ARHGAP20: variants seen among roughly 807,000 people sequenced by gnomAD.
ARHGAP20 encodes the protein rho GTPase-activating protein 20.
A neutral mutation model predicts 73.7 loss-of-function variants in ARHGAP20; 34 were observed. That is an observed-to-expected ratio of 0.46 (90% CI 0.35 to 0.61). The LOEUF (loss-of-function observed/expected upper bound fraction) is 0.61, where lower values mean the gene tolerates loss of function less well. ARHGAP20 is among the 20% of genes least tolerant of loss of function. The probability of loss-of-function intolerance (pLI) is 0.00; values close to 1 mark genes in which losing one functional copy is unlikely to be tolerated. For missense variants in ARHGAP20, 1,314 were observed against 1,420.9 expected (o/e 0.92, Z 1.21); for synonymous variants, 523 against 518.2 (o/e 1.01, Z -0.13).
rs7117707 is a variant in ARHGAP20, at chr11:110,672,606, G to A, written c.188+17941C>T. The stretch of plus-strand genomic sequence containing the variant: ...ACTACAAGCATGCACCACCACACTT[G>A]GCTAATTTTTTCATATTTTTAGTAG... On this transcript the variant is annotated intron_variant, in intron 2 of 14. Coordinates refer to ENST00000683387, the MANE Select transcript of ARHGAP20 (RefSeq NM_001384657.1). 3.5e-3 allele frequency among the ~76,000 whole-genome samples: 531 copies of A among 152,036 alleles called. 3 individuals carry two copies. The highest frequency in any genetic ancestry group is 0.012 in the African/African-American group (496 of 41,474).
chr11:110,634,078 A>C (rs1258584075), intron 2 of ARHGAP20, among the ~76,000 whole-genome samples: 3 of 152,184 alleles, frequency 2.0e-5, no homozygotes, highest in African/African-American at 7.2e-5. Context: ...AAGAAAAAGT[A>C]GTGGTGGTCA....
Position 110,581,008 on chromosome 11 carries a change from A to G in ARHGAP20, c.1938T>C (p.Asp646=), listed in dbSNP as rs1158435894. ...GAGGCCGTTTCATTTGAACATCTTC[A>G]TCTTTAGAATGGGCCAAGTCAAAGT... The part of the protein sequence containing the change: ...LSDFDLAHSK[D]EDVQMKRPLE... The change falls in exon 15 of 15, where the codon GAT becomes GAC. Residue 646 remains aspartate, a synonymous_variant. Coordinates refer to ENST00000683387, the MANE Select transcript of ARHGAP20 (RefSeq NM_001384657.1). 6.2e-7 allele frequency: 1 copy of G among 1,614,050 alleles called. No individual in the cohort carries two copies. Among genetic ancestry groups the G allele is most frequent in the Non-Finnish European group, 8.5e-7 (1 of 1,180,044 alleles).
intron 2 of ARHGAP20, among the ~76,000 whole-genome samples, chr11:110,656,599 A>G (rs964495137): frequency 6.6e-6 from 1 of 152,138 alleles, no homozygotes; most frequent in Non-Finnish European, 1.5e-5. Context: ...AAGTAACAGA[A>G]GTTCACCTAG....
At chr11:110,631,759 T>C (rs1412808419) in intron 2 of ARHGAP20, among the ~76,000 whole-genome samples, 1 of 152,218 alleles carries the variant, frequency 6.6e-6, no homozygotes, top group Non-Finnish European at 1.5e-5. Flanking sequence ...GACAGTCTCA[T>C]ACTGTGAGGG....
intron 1 of ARHGAP20, chr11:110,711,812 C>G: frequency 1.5e-6 from 2 of 1,340,238 alleles, no homozygotes; most frequent in Non-Finnish European, 1.9e-6. Context: ...CACTACAGCC[C>G]GCGCGCCTAG....
intron 1 of ARHGAP20, 61 bp downstream of exon 1, chr11:110,712,064 GGC>G (rs1047468719): frequency 8.0e-7 from 1 of 1,249,702 alleles, no homozygotes; most frequent in African/African-American, 1.6e-5. Context: ...GGGCGCGGAG[GGC>G]GCGCGCCGGC....
At chr11:110,702,275 A>T (rs1950468122) in intron 1 of ARHGAP20, among the ~76,000 whole-genome samples, 1 of 152,194 alleles carries the variant, frequency 6.6e-6, no homozygotes, top group African/African-American at 2.4e-5. Context: ...ACAGAACCAA[A>T]GACAAAAACC....
At chr11:110,666,074 A>G (rs1387514415) in intron 2 of ARHGAP20, among the ~76,000 whole-genome samples, 2 of 152,122 alleles carry the variant, frequency 1.3e-5, no homozygotes, top group African/African-American at 4.8e-5. Flanking sequence ...CATTCCACAT[A>G]CTACCATTGA....
intron 10 of ARHGAP20, 39 bp from the exon 11 acceptor site, chr11:110,590,848 C>G (rs758461485): frequency 1.3e-6 from 2 of 1,584,646 alleles, no homozygotes; most frequent in Admixed American, 1.7e-5. Context: ...AATGACACTT[C>G]CACACACACA....
rs548595031 is a variant in ARHGAP20 at position 110,670,331 on chromosome 11, T to A, written c.188+20216A>T. Among the ~76,000 whole-genome samples, 554 of 152,002 alleles carry A rather than the reference T, an allele frequency of 3.6e-3. 3 individuals are homozygous for A. The highest frequency in any genetic ancestry group is 0.012 in the African/African-American group (518 of 41,488). On this transcript the variant is annotated intron_variant, in intron 2 of 14. Transcript: ENST00000683387. ...GAGATAAAATTCATATGCCTTTAAC[T>A]AGACAGATCTAGGGGGAAAAAAGAG... is the stretch of plus-strand genomic sequence containing the variant.
chr11:110,614,020 C>T (rs1284169487), intron 6 of ARHGAP20, among the ~76,000 whole-genome samples: 1 of 152,060 alleles, frequency 6.6e-6, no homozygotes, highest in Non-Finnish European at 1.5e-5. Flanking sequence ...ATGATAAACA[C>T]TGTGAAGTAG....
At chr11:110,664,180 G>C (rs1315294107) in intron 2 of ARHGAP20, among the ~76,000 whole-genome samples, 1 of 152,086 alleles carries the variant, frequency 6.6e-6, no homozygotes, top group Non-Finnish European at 1.5e-5. Flanking sequence ...ATTTTGGCCA[G>C]ATAAATCAGG....
In ARHGAP20 at chr11:110,581,560, A is replaced by T. The variant is rs550935690; in HGVS notation, c.1721-335T>A. ...GATTCTGAGTAAGACTCTGCCTTCTAACAGATTGCTAGTGGTTATACATAC... is the reference window on the plus strand; with the variant it reads ...GATTCTGAGTAAGACTCTGCCTTCTTACAGATTGCTAGTGGTTATACATAC... On this transcript the variant is annotated intron_variant, in intron 14 of 14. Coordinates refer to ENST00000683387, the MANE Select transcript of ARHGAP20 (RefSeq NM_001384657.1). Among the ~76,000 whole-genome samples the T allele has an allele frequency of 5.9e-5, 9 of 152,312 alleles. No homozygotes were observed. In the East Asian group the frequency reaches 1.5e-3, roughly 26 times the overall value.
At chr11:110,629,023 C>T (rs368626362) in intron 3 of ARHGAP20, among the ~76,000 whole-genome samples, 1 of 152,204 alleles carries the variant, frequency 6.6e-6, no homozygotes, top group South Asian at 2.1e-4. Flanking sequence ...ATCATTGTAA[C>T]TGCTAAGGGG....
At position 110,592,050 on chromosome 11, in the gene ARHGAP20, G is replaced by T; in HGVS notation, c.1070C>A (p.Pro357His). Residue 357 changes from proline to histidine, a missense_variant, in exon 10 of 15, where the codon CCT becomes CAT. Physicochemically the swap from Pro to His is moderately conservative, Grantham distance 77. Around this residue, in one of 3 missense-constraint regions of ARHGAP20, gnomAD observed 443 missense variants for 466.4 expected, o/e 0.95. Transcript: ENST00000683387. ...AATTCCAAAGAGCTGTCCTGGCATAGGTGATGTTGGCGATGAGGGCAAGTT... is the reference window on the plus strand; with the variant it reads ...AATTCCAAAGAGCTGTCCTGGCATATGTGATGTTGGCGATGAGGGCAAGTT... The part of the protein sequence containing the change: ...LDNLPSSPTS[P>H]MPGQLFGISL... The T allele has an allele frequency of 6.2e-7, 1 of 1,614,190 alleles. No homozygotes were observed. Among genetic ancestry groups the T allele is most frequent in the Non-Finnish European group, 8.5e-7 (1 of 1,180,010 alleles).
At chr11:110,657,941 A>G (rs371748063) in intron 2 of ARHGAP20, among the ~76,000 whole-genome samples, 4 of 145,484 alleles carry the variant, frequency 2.7e-5, no homozygotes, top group African/African-American at 8.2e-5. Context: ...GAAGGAAGGA[A>G]GGAAGGAAGG....
chr11:110,633,719 C>A (rs901330471), intron 2 of ARHGAP20, among the ~76,000 whole-genome samples: 7 of 152,146 alleles, frequency 4.6e-5, no homozygotes, highest in African/African-American at 1.7e-4. Flanking sequence ...AGCATCTGCA[C>A]ATTTTAGAGA....
At chr11:110,595,556 G>C (rs1181645786) in intron 9 of ARHGAP20, among the ~76,000 whole-genome samples, 1 of 152,118 alleles carries the variant, frequency 6.6e-6, no homozygotes, top group Non-Finnish European at 1.5e-5. Flanking sequence ...GCTTCAAAGA[G>C]AATAAAATAC....
chr11:110,620,724 T>G (rs553828888), intron 4 of ARHGAP20, among the ~76,000 whole-genome samples: 12 of 152,306 alleles, frequency 7.9e-5, no homozygotes. Flanking sequence ...TAAAATAATA[T>G]TTTTGCTGAA....
Sources: allele counts gnomAD v4.1 joint callset (sites outside exome capture counted in the v4.1 genomes callset), GRCh38; gene constraint gnomAD v4.1.1; regional missense constraint gnomAD v4.1.1; transcripts MANE v1.5; gene names NCBI Gene and HGNC (gene_info 2026-07-23, HGNC 2026-07-21).